The following CAMTA1 variants were observed in gnomAD, a reference collection of about 807,000 sequenced individuals.
CAMTA1 encodes calmodulin-binding transcription activator 1.
A neutral mutation model predicts 170.9 loss-of-function variants in CAMTA1; 27 were observed. That is an observed-to-expected ratio of 0.16 (90% CI 0.12 to 0.22). The LOEUF (loss-of-function observed/expected upper bound fraction) is 0.22. CAMTA1 is among the 10% of genes least tolerant of loss of function. CAMTA1 has a pLI of 1.00. For missense variants in CAMTA1, 1,619 were observed against 2,217.2 expected (o/e 0.73, Z 5.42); for synonymous variants, 833 against 891.5 (o/e 0.93, Z 1.17).
intron 3 of CAMTA1, among the ~76,000 whole-genome samples, chr1:6,840,997 C>T (rs567357434): frequency 3.3e-5 from 5 of 152,320 alleles, no homozygotes; most frequent in Admixed American, 3.3e-4. Flanking sequence ...CATCAGGGTG[C>T]CAGCAGGGCC....
intron 21 of CAMTA1, 98 bp downstream of exon 21, chr1:7,752,631 C>A (rs2096905326): frequency 3.2e-6 from 3 of 932,116 alleles, no homozygotes; most frequent in South Asian, 1.7e-5. Flanking sequence ...GCTAATCCCC[C>A]TGCAGATAAT....
intron 6 of CAMTA1, among the ~76,000 whole-genome samples, chr1:7,545,370 G>A (rs2094677552): frequency 6.6e-6 from 1 of 152,194 alleles, no homozygotes; most frequent in Admixed American, 6.5e-5. Context: ...AACAAACATT[G>A]ATACATGTCT....
chr1:7,422,859 T>C (rs2091652197), intron 5 of CAMTA1, among the ~76,000 whole-genome samples: 1 of 152,198 alleles, frequency 6.6e-6, no homozygotes, highest in African/African-American at 2.4e-5. Flanking sequence ...TTCCATTGGC[T>C]CTTAGAGACT....
Position 7,616,292 on chromosome 1 carries a change from T to A in CAMTA1, c.511-24108T>A, listed in dbSNP as rs187009407. 7.9e-5 allele frequency among the ~76,000 whole-genome samples: 12 copies of A among 152,286 alleles called. No individual in the cohort carries two copies. The East Asian group carries it at 2.3e-3, about 29-fold the overall frequency. ...CTGTTTATGTAAACCTTGAGAGCAC[T>A]TGATGAATGTCAGCAGAACTTTGAA... On this transcript the variant is annotated intron_variant, in intron 6 of 22. Coordinates refer to ENST00000303635, the MANE Select transcript of CAMTA1 (RefSeq NM_015215.4).
At chr1:7,521,950 T>C (rs1169047955) in intron 6 of CAMTA1, among the ~76,000 whole-genome samples, 17 of 152,236 alleles carry the variant, frequency 1.1e-4, no homozygotes, top group Admixed American at 1.1e-3. Context: ...TGTTTCCATT[T>C]TTTGACAATG....
At chr1:7,406,544 A>G (rs924270173) in intron 5 of CAMTA1, among the ~76,000 whole-genome samples, 1 of 152,120 alleles carries the variant, frequency 6.6e-6, no homozygotes, top group Non-Finnish European at 1.5e-5. Flanking sequence ...AATTGCTCAC[A>G]TGTCCATGCA....
intron 6 of CAMTA1, among the ~76,000 whole-genome samples, chr1:7,620,065 G>T (rs1297962220): frequency 1.3e-5 from 2 of 152,182 alleles, no homozygotes. Flanking sequence ...GGCCTTTGAA[G>T]TTCCCTCTAA....
intron 11 of CAMTA1, chr1:7,698,627 T>C (rs1465709756): frequency 2.0e-5 from 3 of 151,466 alleles, no homozygotes; most frequent in Non-Finnish European, 4.4e-5. Context: ...TGTTTGAGGC[T>C]CTCTGCAAAG....
intron 3 of CAMTA1, chr1:6,853,096 A>G (rs929228376): frequency 2.0e-5 from 3 of 152,258 alleles, no homozygotes; most frequent in Non-Finnish European, 4.4e-5. Flanking sequence ...AGGGAATAAT[A>G]GAAAGATTGG....
chr1:7,365,769 T>C (rs1403732931), intron 5 of CAMTA1, among the ~76,000 whole-genome samples: 2 of 152,254 alleles, frequency 1.3e-5, no homozygotes, highest in African/African-American at 2.4e-5. Context: ...TTCTGGGATC[T>C]TGGGGCATAG....
intron 5 of CAMTA1, among the ~76,000 whole-genome samples, chr1:7,279,397 C>T (rs965858365): frequency 2.0e-5 from 3 of 152,146 alleles, no homozygotes; most frequent in African/African-American, 7.2e-5. Flanking sequence ...CCTGTGCTAA[C>T]ATTCTGGGCC....
chr1:7,544,058 G>C (rs2094652191), intron 6 of CAMTA1, among the ~76,000 whole-genome samples: 1 of 152,136 alleles, frequency 6.6e-6, no homozygotes. Context: ...GCCCATCTTG[G>C]TTGGTGTATT....
intron 3 of CAMTA1, among the ~76,000 whole-genome samples, chr1:6,840,391 C>T (rs572905141): frequency 1.6e-4 from 24 of 152,038 alleles, no homozygotes; most frequent in South Asian, 2.1e-4. Context: ...TAAGAAATGA[C>T]GGTGGGGGTG....
chr1:7,625,080 G>A (rs1268431779), intron 6 of CAMTA1, among the ~76,000 whole-genome samples: 1 of 152,202 alleles, frequency 6.6e-6, no homozygotes, highest in Non-Finnish European at 1.5e-5. Flanking sequence ...CGATCATGGA[G>A]GCCATTGGGA....
At chr1:7,250,326 G>T (rs1331766093) in intron 5 of CAMTA1, among the ~76,000 whole-genome samples, 1 of 152,228 alleles carries the variant, frequency 6.6e-6, no homozygotes, top group African/African-American at 2.4e-5. Context: ...CAGCCGTAGA[G>T]GGGGAGGGCA....
intron 6 of CAMTA1, among the ~76,000 whole-genome samples, chr1:7,483,767 G>A (rs545277282): frequency 2.0e-5 from 3 of 152,236 alleles, no homozygotes; most frequent in Non-Finnish European, 4.4e-5. Context: ...GCAGCCTCCT[G>A]CTGACTGGAG....
At chr1:7,344,803 A>T (rs961514640) in intron 5 of CAMTA1, among the ~76,000 whole-genome samples, 1 of 147,610 alleles carries the variant, frequency 6.8e-6, no homozygotes, top group Non-Finnish European at 1.5e-5. Flanking sequence ...GCTGGAGTGC[A>T]GTGGCGTGAT....
intron 5 of CAMTA1, among the ~76,000 whole-genome samples, chr1:7,413,888 T>A (rs1366535144): frequency 1.3e-5 from 2 of 152,220 alleles, no homozygotes; most frequent in African/African-American, 4.8e-5. Flanking sequence ...ATATTGGCTG[T>A]GGGTTTGTCA....
chr1:7,595,689 C>G (rs905340617), intron 6 of CAMTA1, among the ~76,000 whole-genome samples: 3 of 152,168 alleles, frequency 2.0e-5, no homozygotes, highest in African/African-American at 7.2e-5. Flanking sequence ...AAACTGAGGC[C>G]CAGGCTGGTT....
Sources: allele counts gnomAD v4.1 joint callset (sites outside exome capture counted in the v4.1 genomes callset), GRCh38; gene constraint gnomAD v4.1.1; transcripts MANE v1.5; gene names NCBI Gene and HGNC (gene_info 2026-07-23, HGNC 2026-07-21).